XRCC4: variants seen among roughly 807,000 people sequenced by gnomAD.
The protein encoded by XRCC4 is DNA repair protein XRCC4.
A neutral mutation model predicts 39.1 loss-of-function variants in XRCC4; 28 were observed. That is an observed-to-expected ratio of 0.72 (90% CI 0.53 to 0.98). The LOEUF (loss-of-function observed/expected upper bound fraction) is 0.98. XRCC4 is among the 50% of genes least tolerant of loss of function. XRCC4 has a pLI of 0.00. For synonymous variants in XRCC4, 123 were observed against 126.4 expected (o/e 0.97, Z 0.18); for missense variants, 350 against 376.4 (o/e 0.93, Z 0.58).
At chr5:83,252,155 G>A (rs551809823) in intron 6 of XRCC4, among the ~76,000 whole-genome samples, 49 of 152,266 alleles carry the variant, frequency 3.2e-4, no homozygotes, top group African/African-American at 1.1e-3. Flanking sequence ...GAGGCACAAG[G>A]TAGCCTGAGG....
intron 6 of XRCC4, among the ~76,000 whole-genome samples, chr5:83,220,619 T>TA (rs2112786457): frequency 6.6e-6 from 1 of 152,228 alleles, no homozygotes; most frequent in South Asian, 2.1e-4. Flanking sequence ...ACAGAACAGT[T>TA]ACAAGTATGG....
intron 6 of XRCC4, among the ~76,000 whole-genome samples, chr5:83,216,585 G>A (rs146125454): frequency 8.5e-5 from 13 of 152,166 alleles, no homozygotes; most frequent in African/African-American, 2.2e-4. Context: ...CTGGTGAAAC[G>A]TTAAATAAAA....
chr5:83,115,938 T>C (rs1746688048), intron 3 of XRCC4, among the ~76,000 whole-genome samples: 1 of 152,166 alleles, frequency 6.6e-6, no homozygotes, highest in African/African-American at 2.4e-5. Context: ...ATTTTGGATA[T>C]TTAGATGAGG....
chr5:83,270,567 A>G (rs1754105832), intron 7 of XRCC4, among the ~76,000 whole-genome samples: 1 of 151,876 alleles, frequency 6.6e-6, no homozygotes. Flanking sequence ...CACATAGTGA[A>G]CTTCTGAAAA....
At position 83,214,855 on chromosome 5, in the gene XRCC4, T is replaced by A. The variant is rs28760880; in HGVS notation, c.745+9934T>A. ...CCTTCTCAAAAAAAAAAAATAATAA[T>A]AATAAAAATACAGAATAAAGAAATT... On this transcript the variant is annotated intron_variant, in intron 6 of 7. Transcript: ENST00000396027. Among the ~76,000 whole-genome samples, 34 of 130,746 alleles carry A rather than the reference T, an allele frequency of 2.6e-4. 1 individual carries two copies. The highest frequency in any genetic ancestry group is 9.8e-4 in the South Asian group (4 of 4,092). The allele number at this position is 130,746 out of a possible 152,430, so 85.8% of individuals were successfully genotyped here. A position where few individuals can be genotyped will look rare whatever the true frequency, so the allele number is the denominator to read the frequency against.
At chr5:83,303,623 T>C (rs905708530) in intron 7 of XRCC4, among the ~76,000 whole-genome samples, 8 of 152,206 alleles carry the variant, frequency 5.3e-5, no homozygotes, top group Non-Finnish European at 4.4e-5. Context: ...AATTAAAATA[T>C]ATTTAATTTC....
chr5:83,336,876 T>C (rs1756610563), intron 7 of XRCC4, among the ~76,000 whole-genome samples: 4 of 152,198 alleles, frequency 2.6e-5, no homozygotes, highest in Admixed American at 2.6e-4. Context: ...TTTGTAAACA[T>C]TTAAATTTAT....
intron 7 of XRCC4, among the ~76,000 whole-genome samples, chr5:83,285,511 G>T (rs1221875522): frequency 6.6e-6 from 1 of 152,084 alleles, no homozygotes; most frequent in Admixed American, 6.6e-5. Flanking sequence ...ATAAAAACAG[G>T]TCATTACACT....
chr5:83,083,910 C>T (rs1331299584), intron 1 of XRCC4, among the ~76,000 whole-genome samples: 2 of 152,138 alleles, frequency 1.3e-5, no homozygotes, highest in African/African-American at 4.8e-5. Flanking sequence ...TCAAGGAAGC[C>T]TTCCCTAAAA....
chr5:83,102,853 A>G (rs1746003941), intron 1 of XRCC4, among the ~76,000 whole-genome samples: 1 of 151,792 alleles, frequency 6.6e-6, no homozygotes. Context: ...ACTGACAAGC[A>G]AAGTGCTGTG....
chr5:83,165,718 T>C (rs1208857899), intron 3 of XRCC4, among the ~76,000 whole-genome samples: 3 of 152,144 alleles, frequency 2.0e-5, no homozygotes, highest in Non-Finnish European at 2.9e-5. Context: ...CTTCCACTTA[T>C]AAGTGAGAAT....
At chr5:83,155,327 G>C (rs1374972539) in intron 3 of XRCC4, among the ~76,000 whole-genome samples, 1 of 152,128 alleles carries the variant, frequency 6.6e-6, no homozygotes, top group Non-Finnish European at 1.5e-5. Flanking sequence ...AGTTGTCACT[G>C]TTAGGAAGAA....
chr5:83,273,951 T>C (rs1457656435), intron 7 of XRCC4, among the ~76,000 whole-genome samples: 2 of 152,090 alleles, frequency 1.3e-5, no homozygotes, highest in African/African-American at 4.8e-5. Flanking sequence ...TCCTGAGTTA[T>C]CACTACTTTT....
At chr5:83,187,015 C>T (rs1245116997) in intron 3 of XRCC4, among the ~76,000 whole-genome samples, 1 of 45,344 alleles carries the variant, frequency 2.2e-5, no homozygotes, top group African/African-American at 1.1e-4. Context: ...GCGACCTCGG[C>T]TCACTGCAAG....
At chr5:83,249,094 T>A (rs936955097) in intron 6 of XRCC4, among the ~76,000 whole-genome samples, 1 of 152,164 alleles carries the variant, frequency 6.6e-6, no homozygotes, top group South Asian at 2.1e-4. Flanking sequence ...GGGATTTTTT[T>A]ATACCAGAAG....
intron 7 of XRCC4, among the ~76,000 whole-genome samples, chr5:83,335,086 T>C (rs1210518072): frequency 1.3e-5 from 2 of 151,976 alleles, no homozygotes; most frequent in Non-Finnish European, 2.9e-5. Flanking sequence ...GTCCTGAAAA[T>C]ACAATAGAAT....
At chr5:83,190,461 G>A (rs72767181) in intron 3 of XRCC4, among the ~76,000 whole-genome samples, 3,607 of 152,158 alleles carry the variant, frequency 0.024, 103 homozygotes, top group South Asian at 0.12. Context: ...GATTCTATCT[G>A]GCCGTTATGC....
At chr5:83,203,835 G>A in intron 5 of XRCC4, 128 bp downstream of exon 5, 1 of 1,118,000 alleles carries the variant, frequency 8.9e-7, no homozygotes, top group Non-Finnish European at 1.3e-6. Context: ...GGATGTGGAT[G>A]TTCAGGCTGT....
chr5:83,191,277 A>T (rs1193455310), intron 3 of XRCC4, among the ~76,000 whole-genome samples: 1 of 152,218 alleles, frequency 6.6e-6, no homozygotes, highest in Non-Finnish European at 1.5e-5. Flanking sequence ...TCCATATCTC[A>T]TCTTGAATGG....
Sources: allele counts gnomAD v4.1 joint callset (sites outside exome capture counted in the v4.1 genomes callset), GRCh38; gene constraint gnomAD v4.1.1; transcripts MANE v1.5; gene names NCBI Gene and HGNC (gene_info 2026-07-23, HGNC 2026-07-21).